Variants in FANCM observed in about 807,000 individuals in gnomAD.
FANCM encodes the protein FA complementation group M, also known as Fanconi anemia group M protein.
In FANCM, 140 loss-of-function variants were observed where a neutral mutation model predicts 199.5. The observed-to-expected ratio is 0.70, with a 90% CI of 0.61 to 0.81. The LOEUF (loss-of-function observed/expected upper bound fraction) is 0.81, where lower values mean the gene tolerates loss of function less well. FANCM is among the 30% of genes least tolerant of loss of function. The probability of loss-of-function intolerance (pLI) is 0.00; values close to 1 mark genes in which losing one functional copy is unlikely to be tolerated. For synonymous variants in FANCM, 840 were observed against 836.8 expected, an observed-to-expected ratio of 1.00 and a Z score of -0.07; for missense variants, 2,410 against 2,421.4, an observed-to-expected ratio of 1.00 and a Z score of 0.10.
chr14:45,196,625 A>G, intron 21 of FANCM, 78 bp downstream of exon 21: 2 of 1,399,784 alleles, frequency 1.4e-6, no homozygotes, highest in Non-Finnish European at 2.0e-6. Flanking sequence ...TTCTATTATT[A>G]GGATGTGGGA....
chr14:45,164,440 G>A lies in FANCM; in HGVS notation c.1663G>A (p.Val555Ile). 1.9e-6 allele frequency: 3 copies of A among 1,613,590 alleles called. No individual in the cohort carries two copies. Among genetic ancestry groups the A allele is most frequent in the South Asian group, 2.2e-5 (2 of 91,058 alleles). The change falls in exon 10 of 23, where the codon GTT (valine) becomes ATT (isoleucine). Residue 555 changes from valine to isoleucine, a missense_variant. Val to Ile is a conservative substitution (Grantham distance 29, BLOSUM62 3). Coordinates refer to ENST00000267430, the MANE Select transcript of FANCM (RefSeq NM_020937.4). ...TGAAGAAGGTTTGGATATAGGAGAA[G>A]TTGATCTTATAATATGTTTTGATTC... Reference protein sequence around the residue: ...VGEEGLDIGEVDLIICFDSQK... With the variant: ...VGEEGLDIGEIDLIICFDSQK...
chr14:45,189,006 AAG>A lies in FANCM; in HGVS notation c.4986_4987del (p.Lys1663IlefsTer9). 2 of 1,614,106 alleles carry A rather than the reference AAG, an allele frequency of 1.2e-6. No individual in the cohort carries two copies. Among genetic ancestry groups the A allele is most frequent in the Non-Finnish European group, 1.7e-6 (2 of 1,179,968 alleles). On this transcript the variant is annotated frameshift_variant, in exon 20 of 23. Transcript: ENST00000267430. LOFTEE classifies it high-confidence loss of function. ...MMEQNCAHSK[K>X]KLSRIILPDD... is the part of the protein sequence containing the mutation. ...GGAACAAAATTGTGCACATTCAAAA[AAG>A]AAATTATCCAGAATTATTTTACCAG...
chr14:45,167,258 T>C, intron 11 of FANCM, 95 bp downstream of exon 11: 3 of 761,838 alleles, frequency 3.9e-6, no homozygotes, highest in Non-Finnish European at 7.0e-6. Flanking sequence ...AAAAACTGAA[T>C]ATATGTTCTA....
In FANCM at chr14:45,140,667, T is replaced by C. The variant is rs1365220972; in HGVS notation, c.717T>C (p.Phe239=). ...VRELVKYTNH[F]RILALSATPG... is the part of the protein sequence containing the mutation. ...AACTAGTCAAATATACAAATCACTTTAGAATCTTGGCTCTAAGTGCCACAC... is the reference window on the plus strand; with the variant it reads ...AACTAGTCAAATATACAAATCACTTCAGAATCTTGGCTCTAAGTGCCACAC... Residue 239 remains phenylalanine (F), a synonymous_variant, in exon 3 of 23, where the codon TTT becomes TTC. Coordinates refer to ENST00000267430, the MANE Select transcript of FANCM (RefSeq NM_020937.4). The C allele has an allele frequency of 5.6e-6, 9 of 1,604,658 alleles. No individual in the cohort carries two copies. The highest frequency in any genetic ancestry group is 7.7e-6 in the Non-Finnish European group (9 of 1,172,066).
intron 11 of FANCM, among the ~76,000 whole-genome samples, chr14:45,168,990 C>A (rs187774467): frequency 6.6e-6 from 1 of 151,686 alleles, no homozygotes; most frequent in Non-Finnish European, 1.5e-5. Flanking sequence ...GGCATGATCT[C>A]GGCTCACTGC....
At position 45,176,629 on chromosome 14, in the gene FANCM, G is replaced by A. The variant is rs771550221; in HGVS notation, c.3875G>A (p.Gly1292Glu). The A allele has an allele frequency of 6.2e-7, 1 of 1,612,230 alleles. No individual in the cohort carries two copies. Among genetic ancestry groups the A allele is most frequent in the African/African-American group, 1.3e-5 (1 of 74,936 alleles). Residue 1292 changes from glycine to glutamate, a missense_variant, in exon 14 of 23, where the codon GGA becomes GAA. By Grantham distance (98) the Gly-to-Glu change is moderately conservative. Transcript: ENST00000267430. ...PRDHSKNFTS[G>E]TVIIPSNEDM... ...GATCATAGTAAAAATTTTACTAGTG[G>A]AACTGTTATTATCCCATCAAATGAA... is the stretch of plus-strand genomic sequence containing the variant.
Position 45,154,009 on chromosome 14 carries a change from A to G in FANCM, c.1140A>G (p.Arg380=). ...AATTATTGCAGCAAATGGGAATGAG[A>G]TCATTATATTTCTTCCTTTGTGGAA... is the stretch of plus-strand genomic sequence containing the variant. ...GYELLQQMGM[R]SLYFFLCGIM... The change falls in exon 6 of 23, where the codon AGA becomes AGG. Residue 380 remains arginine, a synonymous_variant. Transcript: ENST00000267430. 2 of 1,579,474 alleles carry G rather than the reference A, an allele frequency of 1.3e-6. No homozygotes were observed. The highest frequency in any genetic ancestry group is 1.7e-6 in the Non-Finnish European group (2 of 1,148,554).
At chr14:45,190,936 T>C (rs1324400716) in intron 20 of FANCM, among the ~76,000 whole-genome samples, 1 of 152,190 alleles carries the variant, frequency 6.6e-6, no homozygotes, top group Non-Finnish European at 1.5e-5. Context: ...GGTGTGATCA[T>C]AGCTCACTGC....
intron 14 of FANCM, among the ~76,000 whole-genome samples, chr14:45,178,497 A>G (rs1165372096): frequency 4.6e-5 from 7 of 152,190 alleles, no homozygotes; most frequent in South Asian, 2.1e-4. Flanking sequence ...TTTTTATTCT[A>G]CTTAATTCAA....
rs955997534 is a variant in FANCM, at chr14:45,136,345, G to A, written c.314G>A (p.Cys105Tyr). 2.5e-6 allele frequency: 4 copies of A among 1,614,164 alleles called. No homozygotes were observed. The highest frequency in any genetic ancestry group is 1.1e-5 in the South Asian group (1 of 91,084). Residue 105 changes from cysteine (C) to tyrosine (Y), a missense_variant, in exon 1 of 23, where the codon TGC (cysteine) becomes TAC (tyrosine). Cys to Tyr is a radical substitution (Grantham distance 194). Transcript: ENST00000267430. Reference protein sequence around the residue: ...QLHISRAALFCNTLVCLPTGL... With the variant: ...QLHISRAALFYNTLVCLPTGL... The stretch of plus-strand genomic sequence containing the variant: ...CACATTTCCCGGGCTGCTCTGTTTT[G>A]CAATACGCTGGTGTGTCTGCCTACC...
At chr14:45,146,187 G>A (rs1886367163) in intron 3 of FANCM, among the ~76,000 whole-genome samples, 1 of 146,156 alleles carries the variant, frequency 6.8e-6, no homozygotes, top group Non-Finnish European at 1.5e-5. Context: ...CTTGCAGTGA[G>A]CCGAGATCAT....
Position 45,187,864 on chromosome 14 carries a change from A to G in FANCM, c.4756A>G (p.Lys1586Glu), listed in dbSNP as rs1889504540. 6.6e-7 allele frequency: 1 copy of G among 1,525,588 alleles called. No individual in the cohort carries two copies. Among genetic ancestry groups the G allele is most frequent in the Non-Finnish European group, 9.1e-7 (1 of 1,099,682 alleles). The allele number at this position is 1,525,588 out of a possible 1,614,324, so 94.5% of individuals were successfully genotyped here. ...NKYKMIHKTH[K>E]NINIFSQIPE... Reference sequence around the variant, plus strand: ...GTACAAAATGATTCATAAGACACATAAAAACATAAACATTTTCTCGCAGGT... The same window carrying G: ...GTACAAAATGATTCATAAGACACATGAAAACATAAACATTTTCTCGCAGGT... Residue 1586 changes from lysine (K) to glutamate (E), a missense_variant, in exon 19 of 23, where the codon AAA becomes GAA. Transcript: ENST00000267430.
chr14:45,178,868 G>T (rs905588122), intron 14 of FANCM, among the ~76,000 whole-genome samples: 1 of 152,048 alleles, frequency 6.6e-6, no homozygotes, highest in Non-Finnish European at 1.5e-5. Context: ...TTCTTAGAAG[G>T]CCTGTTGTTT....
At chr14:45,149,901 A>G (rs1441196813) in intron 4 of FANCM, among the ~76,000 whole-genome samples, 1 of 152,126 alleles carries the variant, frequency 6.6e-6, no homozygotes, top group African/African-American at 2.4e-5. Context: ...GGAGGCCAGG[A>G]ATCAGCTAAA....
chr14:45,177,803 G>A (rs1003591440), intron 14 of FANCM, among the ~76,000 whole-genome samples: 5 of 152,178 alleles, frequency 3.3e-5, no homozygotes, highest in African/African-American at 7.2e-5. Context: ...TGATGAAAGC[G>A]AGGGGAAAGA....
rs1474169220 is a variant in FANCM at position 45,196,562 on chromosome 14, A to T, written c.5716+15A>T. ...AGAAAAAACAGGTTTGTATTTTTAA[A>T]TATCTTTGTTTATAAGACTGTAAAG... On this transcript the variant is annotated intron_variant, in intron 21 of 22. Coordinates refer to ENST00000267430, the MANE Select transcript of FANCM (RefSeq NM_020937.4). 4.3e-6 allele frequency: 7 copies of T among 1,610,188 alleles called. No individual in the cohort carries two copies. The highest frequency in any genetic ancestry group is 5.9e-6 in the Non-Finnish European group (7 of 1,178,900).
At chr14:45,147,194 G>A (rs963918863) in intron 3 of FANCM, among the ~76,000 whole-genome samples, 1 of 152,124 alleles carries the variant, frequency 6.6e-6, no homozygotes, top group African/African-American at 2.4e-5. Context: ...ATGGTGTGCC[G>A]TATTGGGCAC....
chr14:45,152,032 C>CTT (rs200837764), intron 5 of FANCM, among the ~76,000 whole-genome samples: 5 of 137,512 alleles, frequency 3.6e-5, no homozygotes, highest in Non-Finnish European at 3.2e-5. Context: ...TTAACTTTTT[C>CTT]TTTTTTTTTT....
intron 3 of FANCM, among the ~76,000 whole-genome samples, chr14:45,142,354 T>C (rs1015589150): frequency 6.6e-6 from 1 of 150,956 alleles, no homozygotes; most frequent in African/African-American, 2.4e-5. Flanking sequence ...TTGCCCGGGC[T>C]GGAGTGCAAT....
Sources: allele counts gnomAD v4.1 joint callset (sites outside exome capture counted in the v4.1 genomes callset), GRCh38; gene constraint gnomAD v4.1.1; transcripts MANE v1.5; gene names NCBI Gene and HGNC (gene_info 2026-07-23, HGNC 2026-07-21).